The following THSD4 variants were observed in gnomAD, a reference collection of about 807,000 sequenced individuals.
THSD4 encodes thrombospondin type-1 domain-containing protein 4.
In THSD4, 69 loss-of-function variants were observed where a neutral mutation model predicts 119.0. That is an observed-to-expected ratio of 0.58 (90% CI 0.48 to 0.71). The LOEUF is 0.71. THSD4 is among the 30% of genes least tolerant of loss of function. The pLI is 0.00. For missense variants in THSD4, 1,393 were observed against 1,391.1 expected (o/e 1.00, Z -0.02); for synonymous variants, 524 against 540.4 (o/e 0.97, Z 0.42).
rs57882308 is a variant in THSD4 at position 71,173,567 on chromosome 15, CATATAT to C, written c.99+18651_99+18656del. The stretch of plus-strand genomic sequence containing the variant: ...AAAAATAGACCTACACACACACACA[CATATAT>C]ATATATATATATATACATTTTTATA... On this transcript the variant is annotated intron_variant, in intron 3 of 17. Transcript: ENST00000261862. Among the ~76,000 whole-genome samples, 1,341 of 145,850 alleles carry C rather than the reference CATATAT, an allele frequency of 9.2e-3. 7 individuals carry two copies. Among genetic ancestry groups the C allele is most frequent in the South Asian group, 0.017 (77 of 4,662 alleles).
chr15:71,750,868 T>C (rs1238278085), intron 14 of THSD4, among the ~76,000 whole-genome samples: 4 of 152,168 alleles, frequency 2.6e-5, no homozygotes, highest in Non-Finnish European at 4.4e-5. Flanking sequence ...CATTAGCGCA[T>C]GGTACTGCGG....
chr15:71,124,167 T>C (rs1467486051), intron 1 of THSD4, among the ~76,000 whole-genome samples: 2 of 152,220 alleles, frequency 1.3e-5, no homozygotes, highest in Admixed American at 6.5e-5. Context: ...CAAACATTAA[T>C]ATTTTGACTT....
intron 2 of THSD4, among the ~76,000 whole-genome samples, chr15:71,148,610 C>T (rs932888820): frequency 6.6e-6 from 1 of 152,036 alleles, no homozygotes. Flanking sequence ...AGCTTTATTG[C>T]GTCCACCTAG....
intron 6 of THSD4, among the ~76,000 whole-genome samples, chr15:71,315,737 C>T (rs1305885702): frequency 2.6e-5 from 4 of 152,222 alleles, no homozygotes; most frequent in African/African-American, 9.6e-5. Context: ...TTAGGAATGA[C>T]TCCCTTGTTC....
chr15:71,230,895 A>G (rs557607746), intron 4 of THSD4, among the ~76,000 whole-genome samples: 1 of 152,292 alleles, frequency 6.6e-6, no homozygotes, highest in Admixed American at 6.5e-5. Flanking sequence ...GGTCAGATTC[A>G]TCTCCTTGCT....
At chr15:71,609,994 C>T (rs2050193198) in intron 7 of THSD4, among the ~76,000 whole-genome samples, 1 of 152,106 alleles carries the variant, frequency 6.6e-6, no homozygotes, top group Admixed American at 6.5e-5. Flanking sequence ...AAATTAAATA[C>T]AGGCGGCCTG....
chr15:71,196,239 C>T (rs767887464), intron 3 of THSD4, among the ~76,000 whole-genome samples: 3 of 152,170 alleles, frequency 2.0e-5, no homozygotes, highest in Non-Finnish European at 4.4e-5. Flanking sequence ...AGAGGCCCCA[C>T]TTCTTAATAT....
In THSD4 at chr15:71,224,637, G is replaced by A. The variant is rs185916793; in HGVS notation, c.464+9238G>A. On this transcript the variant is annotated intron_variant, in intron 4 of 17. Coordinates refer to ENST00000261862, the MANE Select transcript of THSD4 (RefSeq NM_024817.3). ...TTACAGTTCTGGAAGTCAGAAGGCT[G>A]AAGTCAAGCTGCTAGTAGGATTGCA... Among the ~76,000 whole-genome samples the A allele has an allele frequency of 1.5e-3, 230 of 152,322 alleles. 2 individuals carry two copies. The highest frequency in any genetic ancestry group is 5.9e-3 in the Admixed American group (91 of 15,310).
chr15:71,565,911 G>A lies in THSD4; in HGVS notation c.1153-94619G>A, dbSNP rs565351232. Among the ~76,000 whole-genome samples, 3 of 152,288 alleles carry A rather than the reference G, an allele frequency of 2.0e-5. No homozygotes were observed. In the South Asian group the frequency reaches 6.2e-4, roughly 32 times the overall value. On this transcript the variant is annotated intron_variant, in intron 7 of 17. Transcript: ENST00000261862. ...CTTAGAACAAAGTATGATGATGGCA[G>A]ACAGAAGTAAGTCTCTATGACCTCA...
chr15:71,397,287 CATTT>C (rs1035581433), intron 6 of THSD4, among the ~76,000 whole-genome samples: 36 of 152,288 alleles, frequency 2.4e-4, no homozygotes, highest in African/African-American at 8.2e-4. Context: ...TATAATTTCA[CATTT>C]ATTTGTGTGA....
chr15:71,102,100 A>T (rs2040256158), intron 1 of THSD4, among the ~76,000 whole-genome samples: 1 of 152,170 alleles, frequency 6.6e-6, no homozygotes, highest in African/African-American at 2.4e-5. Flanking sequence ...ACAGTCATTT[A>T]AATAATTGTT....
intron 11 of THSD4, among the ~76,000 whole-genome samples, chr15:71,741,682 T>G (rs1011008990): frequency 1.8e-5 from 2 of 109,624 alleles, no homozygotes; most frequent in Non-Finnish European, 3.7e-5. Flanking sequence ...CATGTGTGCA[T>G]GTACACACAC....
intron 6 of THSD4, among the ~76,000 whole-genome samples, chr15:71,328,231 C>T (rs1009700372): frequency 2.0e-4 from 31 of 152,266 alleles, no homozygotes; most frequent in African/African-American, 5.8e-4. Context: ...TCAAGCCTTC[C>T]GTGTGAATGA....
At chr15:71,691,544 C>G (rs956258045) in intron 8 of THSD4, among the ~76,000 whole-genome samples, 1 of 152,192 alleles carries the variant, frequency 6.6e-6, no homozygotes, top group African/African-American at 2.4e-5. Context: ...GGCTTCACAG[C>G]CTTGCTCAGA....
chr15:71,225,467 C>T (rs34609030), intron 4 of THSD4, among the ~76,000 whole-genome samples: 9,707 of 151,278 alleles, frequency 0.064, 490 homozygotes, highest in Non-Finnish European at 0.096. Context: ...TTCCTGTCAT[C>T]TTTTCTGCCA....
intron 7 of THSD4, among the ~76,000 whole-genome samples, chr15:71,444,746 T>A (rs1439657323): frequency 6.6e-6 from 1 of 152,254 alleles, no homozygotes; most frequent in African/African-American, 2.4e-5. Flanking sequence ...GTTCTATTTA[T>A]TCTTGAAGTC....
intron 3 of THSD4, among the ~76,000 whole-genome samples, chr15:71,170,995 T>C (rs1299806339): frequency 2.6e-5 from 4 of 151,620 alleles, no homozygotes; most frequent in Admixed American, 6.6e-5. Flanking sequence ...CAAAGTGAAA[T>C]ATAAAAAGGA....
At chr15:71,135,830 T>G (rs1331680798) in intron 1 of THSD4, among the ~76,000 whole-genome samples, 1 of 151,952 alleles carries the variant, frequency 6.6e-6, no homozygotes, top group Non-Finnish European at 1.5e-5. Context: ...CTTCCTTGGC[T>G]TCCACCTCCA....
intron 1 of THSD4, among the ~76,000 whole-genome samples, chr15:71,105,745 A>G (rs1045661932): frequency 1.3e-5 from 2 of 152,220 alleles, no homozygotes; most frequent in Non-Finnish European, 2.9e-5. Context: ...CCACAATTAG[A>G]GGCATTCCAC....
Sources: allele counts gnomAD v4.1 joint callset (sites outside exome capture counted in the v4.1 genomes callset), GRCh38; gene constraint gnomAD v4.1.1; transcripts MANE v1.5; gene names NCBI Gene and HGNC (gene_info 2026-07-23, HGNC 2026-07-21).